TRAF3IP1: variants seen among roughly 807,000 people sequenced by gnomAD.
TRAF3IP1 encodes the protein intraflagellar transport 54, also known as TRAF3-interacting protein 1.
A neutral mutation model predicts 89.9 loss-of-function variants in TRAF3IP1; 53 were observed. The ratio of observed to expected loss-of-function variants is 0.59; its 90% CI spans 0.47 to 0.74. TRAF3IP1 has a LOEUF of 0.74. Ranked by LOEUF, TRAF3IP1 falls within the 30% of genes least tolerant of loss-of-function variation. The probability of loss-of-function intolerance (pLI) is 0.00; values close to 1 mark genes in which losing one functional copy is unlikely to be tolerated. For synonymous variants in TRAF3IP1, 311 were observed against 322.1 expected, an observed-to-expected ratio of 0.97 and a Z score of 0.37; for missense variants, 806 against 866.1, an observed-to-expected ratio of 0.93 and a Z score of 0.87.
chr2:238,337,874 C>T (rs763390447), intron 7 of TRAF3IP1, among the ~76,000 whole-genome samples: 2 of 152,010 alleles, frequency 1.3e-5, no homozygotes, highest in African/African-American at 2.4e-5. Context: ...AACATCTAGT[C>T]GACAGCTGGA....
At chr2:238,356,279 C>G (rs994742693) in intron 15 of TRAF3IP1, among the ~76,000 whole-genome samples, 199 bp downstream of exon 15, 1 of 152,184 alleles carries the variant, frequency 6.6e-6, no homozygotes, top group African/African-American at 2.4e-5. Context: ...GACAGCTTAC[C>G]TGAGCCCAGG....
Position 238,325,802 on chromosome 2 carries a change from G to A in TRAF3IP1, c.193-7G>A, listed in dbSNP as rs769747839. 107 of 1,608,826 alleles carry A rather than the reference G, an allele frequency of 6.7e-5. No homozygotes were observed. Among genetic ancestry groups the A allele is most frequent in the Non-Finnish European group, 8.9e-5 (105 of 1,177,824 alleles). ...TAATATTTGTATTTTCAATGGAAAT[G>A]TTTCAGGATAAAGATGCAAAAATTA... On this transcript the variant is annotated splice_polypyrimidine_tract_variant and splice_region_variant and intron_variant, in intron 2 of 16. Coordinates refer to ENST00000373327, the MANE Select transcript of TRAF3IP1 (RefSeq NM_015650.4).
intron 2 of TRAF3IP1, 63 bp downstream of exon 2, chr2:238,325,437 C>T (rs1559352972): frequency 1.9e-6 from 3 of 1,541,050 alleles, no homozygotes; most frequent in Non-Finnish European, 2.7e-6. Flanking sequence ...TTTTTGTAGG[C>T]CTGGTAGTGT....
intron 15 of TRAF3IP1, among the ~76,000 whole-genome samples, chr2:238,369,267 C>T (rs969110323): frequency 2.6e-5 from 4 of 152,132 alleles, no homozygotes; most frequent in Admixed American, 6.5e-5. Flanking sequence ...CTAAGAAAAG[C>T]GGGTTTAGAA....
In TRAF3IP1 at chr2:238,351,641, G is replaced by A. The variant is rs975850774; in HGVS notation, c.1452-1186G>A. On this transcript the variant is annotated intron_variant, in intron 12 of 16. Transcript: ENST00000373327. This position sits in a 1 kb window ranked among gnomAD's most constrained non-coding sequence, Gnocchi z 5.2. ...GAGGGACGGGAGCCTGGACTTCCTG[G>A]TACTGACAGAGCAGCGGGTTCGAAG... Among the ~76,000 whole-genome samples the A allele has an allele frequency of 6.6e-6, 1 of 152,162 alleles. No individual in the cohort carries two copies. The highest frequency in any genetic ancestry group is 1.5e-5 in the Non-Finnish European group (1 of 68,020).
At chr2:238,375,995 T>C (rs1700298876) in intron 15 of TRAF3IP1, among the ~76,000 whole-genome samples, 1 of 152,146 alleles carries the variant, frequency 6.6e-6, no homozygotes, top group Non-Finnish European at 1.5e-5. Context: ...GAAAGTTCCA[T>C]ATGCGTGGAA....
chr2:238,373,844 T>C (rs1700208893), intron 15 of TRAF3IP1, among the ~76,000 whole-genome samples: 1 of 152,244 alleles, frequency 6.6e-6, no homozygotes, highest in African/African-American at 2.4e-5. Context: ...GAAGAGGTCC[T>C]TCGCATCCTT....
chr2:238,355,419 T>C lies in TRAF3IP1; in HGVS notation c.1613-585T>C, dbSNP rs78616630. On this transcript the variant is annotated intron_variant, in intron 14 of 16. Transcript: ENST00000373327. ...TTATTTCCATCTTGCTCTTTTTAAT[T>C]TGACAGCAGATGCAGGCTTTCATTT... Among the ~76,000 whole-genome samples the C allele has an allele frequency of 4.3e-3, 649 of 152,394 alleles. 2 individuals are homozygous for C. The highest frequency in any genetic ancestry group is 0.014 in the African/African-American group (582 of 41,596).
chr2:238,393,703 T>A (rs1300992608), intron 15 of TRAF3IP1, among the ~76,000 whole-genome samples: 1 of 152,228 alleles, frequency 6.6e-6, no homozygotes, highest in Non-Finnish European at 1.5e-5. Flanking sequence ...GTTTTGTTTG[T>A]TTTTTGGCTT....
At chr2:238,390,421 A>G (rs1700945845) in intron 15 of TRAF3IP1, among the ~76,000 whole-genome samples, 2 of 152,316 alleles carry the variant, frequency 1.3e-5, no homozygotes, top group South Asian at 4.1e-4. Flanking sequence ...GGTAAATTAC[A>G]TTTTAATGAA....
chr2:238,335,575 C>T (rs1698344770), intron 7 of TRAF3IP1, among the ~76,000 whole-genome samples: 1 of 152,084 alleles, frequency 6.6e-6, no homozygotes, highest in South Asian at 2.1e-4. Context: ...AAGAATTCCA[C>T]TCTTGCAAAA....
chr2:238,384,052 C>G (rs1700655135), intron 15 of TRAF3IP1, among the ~76,000 whole-genome samples: 1 of 152,158 alleles, frequency 6.6e-6, no homozygotes, highest in Non-Finnish European at 1.5e-5. Flanking sequence ...TCTGATTCAG[C>G]TGTGGTCTTG....
chr2:238,331,188 T>C (rs1261060345), intron 5 of TRAF3IP1, among the ~76,000 whole-genome samples: 1 of 150,988 alleles, frequency 6.6e-6, no homozygotes, highest in African/African-American at 2.4e-5. Context: ...CGGCCGGGCA[T>C]GGTGGCTCAC....
At chr2:238,344,920 G>C (rs1418777659) in intron 9 of TRAF3IP1, among the ~76,000 whole-genome samples, 1 of 152,128 alleles carries the variant, frequency 6.6e-6, no homozygotes, top group Non-Finnish European at 1.5e-5. Flanking sequence ...CAGTCAAGAG[G>C]TGTACCCCCC....
intron 15 of TRAF3IP1, among the ~76,000 whole-genome samples, chr2:238,368,057 C>T (rs1382764388): frequency 6.6e-6 from 1 of 151,726 alleles, no homozygotes; most frequent in Non-Finnish European, 1.5e-5. Flanking sequence ...TTCACTTGTG[C>T]TTACTGTTGT....
chr2:238,322,503 A>G (rs1327402501), intron 1 of TRAF3IP1, among the ~76,000 whole-genome samples: 1 of 152,162 alleles, frequency 6.6e-6, no homozygotes, highest in African/African-American at 2.4e-5. Flanking sequence ...AGCCTGGCCA[A>G]CATGGTTAAA....
Position 238,356,032 on chromosome 2 carries a change from G to A in TRAF3IP1, c.1641G>A (p.Thr547=), listed in dbSNP as rs139415648. 6.8e-6 allele frequency: 11 copies of A among 1,613,650 alleles called. No individual in the cohort carries two copies. The highest frequency in any genetic ancestry group is 6.7e-5 in the African/African-American group (5 of 74,906). Reference sequence around the variant, plus strand: ...GACTTGTGAAAAAAATTTTGGAGACGAAGAAAGATTATGAGAAATTGCAGC... The same window carrying A: ...GACTTGTGAAAAAAATTTTGGAGACAAAGAAAGATTATGAGAAATTGCAGC... The part of the protein sequence containing the change: ...HGGLVKKILE[T]KKDYEKLQQS... The change falls in exon 15 of 17, where the codon ACG becomes ACA. Residue 547 remains threonine (T), a synonymous_variant. Transcript: ENST00000373327.
chr2:238,387,922 A>G (rs192678705), intron 15 of TRAF3IP1, among the ~76,000 whole-genome samples: 35 of 152,190 alleles, frequency 2.3e-4, no homozygotes, highest in Non-Finnish European at 4.0e-4. Context: ...CTGCAAAAGT[A>G]AAAAATTAAA....
chr2:238,373,540 G>T (rs1445439252), intron 15 of TRAF3IP1, among the ~76,000 whole-genome samples: 1 of 152,178 alleles, frequency 6.6e-6, no homozygotes, highest in Non-Finnish European at 1.5e-5. Flanking sequence ...CTGTAGCCTT[G>T]TAGTATAGTT....
Sources: allele counts gnomAD v4.1 joint callset (sites outside exome capture counted in the v4.1 genomes callset), GRCh38; gene constraint gnomAD v4.1.1; non-coding constraint Gnocchi (gnomAD v3.1); transcripts MANE v1.5; gene names NCBI Gene and HGNC (gene_info 2026-07-23, HGNC 2026-07-21).